Variants in SLC16A12 observed in about 807,000 individuals in gnomAD.
SLC16A12 encodes monocarboxylate transporter 12.
SLC16A12 carries 17 observed loss-of-function variants against 42.4 expected under a neutral mutation model. That is an observed-to-expected ratio of 0.40 (90% CI 0.27 to 0.60). SLC16A12 has a LOEUF of 0.60. Among genes scored for constraint, SLC16A12 ranks in the 20% least tolerant of loss-of-function variants. The pLI is 0.42. For missense variants in SLC16A12, 544 were observed against 623.0 expected (o/e 0.87, Z 1.35); for synonymous variants, 224 against 229.4 (o/e 0.98, Z 0.21).
intron 2 of SLC16A12, among the ~76,000 whole-genome samples, chr10:89,466,266 C>G (rs1842397614): frequency 2.0e-5 from 3 of 152,166 alleles, no homozygotes; most frequent in Admixed American, 1.3e-4. Context: ...TTGTTCATCA[C>G]TCATTAATTC....
intron 1 of SLC16A12, 27 bp from the exon 2 acceptor site, chr10:89,534,667 AAAAATC>A (rs1843621130): frequency 6.7e-6 from 1 of 149,090 alleles, no homozygotes; most frequent in African/African-American, 2.5e-5. Context: ...AAAAAAAAAA[AAAAATC>A]CAAAAATTAG....
intron 2 of SLC16A12, among the ~76,000 whole-genome samples, chr10:89,474,419 G>C (rs1842545215): frequency 6.6e-6 from 1 of 152,134 alleles, no homozygotes; most frequent in Non-Finnish European, 1.5e-5. Flanking sequence ...AATAAGTTCT[G>C]CCTTCACCAG....
chr10:89,539,325 C>T (rs925378752), upstream of SLC16A12, among the ~76,000 whole-genome samples: 6 of 152,196 alleles, frequency 3.9e-5, no homozygotes, highest in Non-Finnish European at 5.9e-5. Flanking sequence ...CTAACTTTCT[C>T]CCTTCCTCTT....
intron 2 of SLC16A12, among the ~76,000 whole-genome samples, chr10:89,543,210 T>C (rs1383527688): frequency 6.6e-6 from 1 of 152,248 alleles, no homozygotes; most frequent in Non-Finnish European, 1.5e-5. Flanking sequence ...TAGAAACATA[T>C]AGGTGTTCAC....
At chr10:89,513,235 T>C (rs1241018423) in intron 2 of SLC16A12, among the ~76,000 whole-genome samples, 1 of 152,214 alleles carries the variant, frequency 6.6e-6, no homozygotes, top group Non-Finnish European at 1.5e-5. Context: ...AATGATACCA[T>C]GGATGTATAC....
At chr10:89,547,519 T>A (rs1193476587) in intron 2 of SLC16A12, among the ~76,000 whole-genome samples, 6 of 152,194 alleles carry the variant, frequency 3.9e-5, no homozygotes, top group African/African-American at 1.4e-4. Flanking sequence ...TAAGACATGG[T>A]TCCTGCCTTC....
rs376383851 is a variant in SLC16A12 at position 89,550,194 on chromosome 10, C to A, written c.-47+5688G>T. 3.9e-4 allele frequency among the ~76,000 whole-genome samples: 60 copies of A among 152,240 alleles called. 1 individual carries two copies. In the South Asian group the frequency reaches 0.012, roughly 31 times the overall value. On this transcript the variant is annotated intron_variant, in intron 2 of 2. Transcript: ENST00000475682. ...CCTTCCCTCTGCTCTTAGCCTCTTC[C>A]CATCTATTCTCCATAAAACATCAAG...
At chr10:89,512,482 G>A (rs1293603234) in intron 2 of SLC16A12, among the ~76,000 whole-genome samples, 2 of 152,156 alleles carry the variant, frequency 1.3e-5, no homozygotes, top group Admixed American at 1.3e-4. Flanking sequence ...AGCCACCCTT[G>A]ACCTTAGGGG....
At chr10:89,456,094 C>T (rs1179653135) in intron 3 of SLC16A12, 1 of 152,182 alleles carries the variant, frequency 6.6e-6, no homozygotes, top group South Asian at 2.1e-4. Flanking sequence ...ATCTGGCATA[C>T]TAGAATTGAT....
intron 2 of SLC16A12, among the ~76,000 whole-genome samples, chr10:89,479,236 G>A (rs1182328540): frequency 3.3e-5 from 5 of 152,006 alleles, no homozygotes; most frequent in South Asian, 4.2e-4. Flanking sequence ...CTCACTTTTC[G>A]CTGTAAGAGG....
intron 7 of SLC16A12, among the ~76,000 whole-genome samples, chr10:89,434,807 A>G (rs1182286308): frequency 2.6e-5 from 4 of 152,354 alleles, no homozygotes; most frequent in African/African-American, 9.6e-5. Flanking sequence ...TTTACCTCGC[A>G]TGAGCATCAC....
intron 3 of SLC16A12, among the ~76,000 whole-genome samples, chr10:89,460,363 C>G (rs1842277819): frequency 6.6e-6 from 1 of 152,086 alleles, no homozygotes; most frequent in Non-Finnish European, 1.5e-5. Flanking sequence ...GCTGTCATAT[C>G]AGTGATGAGA....
At chr10:89,533,714 C>G (rs573167111) in intron 2 of SLC16A12, among the ~76,000 whole-genome samples, 1 of 151,754 alleles carries the variant, frequency 6.6e-6, no homozygotes, top group South Asian at 2.1e-4. Flanking sequence ...ATCTGTATAT[C>G]CATAATATAA....
chr10:89,555,496 CGTATATACGTATATATAT>C (rs1440716796), intron 2 of SLC16A12, among the ~76,000 whole-genome samples: 2 of 118,284 alleles, frequency 1.7e-5, no homozygotes, highest in Non-Finnish European at 3.8e-5. Context: ...CGTATATATA[CGTATATACGTATATATAT>C]GTATATATGT....
intron 2 of SLC16A12, among the ~76,000 whole-genome samples, chr10:89,471,849 GT>G (rs1842500078): frequency 6.6e-6 from 1 of 152,116 alleles, no homozygotes; most frequent in Non-Finnish European, 1.5e-5. Context: ...TCTCATTGTA[GT>G]TTTAATTTGT....
At chr10:89,544,477 T>C (rs1843732120) in intron 2 of SLC16A12, among the ~76,000 whole-genome samples, 1 of 152,230 alleles carries the variant, frequency 6.6e-6, no homozygotes, top group African/African-American at 2.4e-5. Flanking sequence ...CCAGTTAATT[T>C]ATTCAAAATC....
intron 2 of SLC16A12, among the ~76,000 whole-genome samples, chr10:89,514,115 T>G (rs896428212): frequency 1.3e-5 from 2 of 152,292 alleles, no homozygotes; most frequent in East Asian, 1.9e-4. Context: ...CAGATTTGGG[T>G]GGAATCTGAA....
At chr10:89,555,609 A>ATG (rs1843809478) in intron 2 of SLC16A12, among the ~76,000 whole-genome samples, 1 of 144,254 alleles carries the variant, frequency 6.9e-6, no homozygotes, top group Non-Finnish European at 1.5e-5. Flanking sequence ...ATATATACAT[A>ATG]TATATACAGA....
intron 2 of SLC16A12, among the ~76,000 whole-genome samples, chr10:89,508,968 T>G (rs992268113): frequency 6.6e-6 from 1 of 152,128 alleles, no homozygotes; most frequent in Non-Finnish European, 1.5e-5. Context: ...TATGAACACC[T>G]CTACACAAAT....
Sources: allele counts gnomAD v4.1 joint callset (sites outside exome capture counted in the v4.1 genomes callset), GRCh38; gene constraint gnomAD v4.1.1; transcripts MANE v1.5; gene names NCBI Gene and HGNC (gene_info 2026-07-23, HGNC 2026-07-21).